Variants in FXR1 observed in about 807,000 individuals in gnomAD.
FXR1 encodes FMR1 autosomal homolog 1.
A neutral mutation model predicts 84.0 loss-of-function variants in FXR1; 15 were observed. The observed-to-expected ratio is 0.18, with a 90% CI of 0.12 to 0.27. The LOEUF (loss-of-function observed/expected upper bound fraction) is 0.27, where lower values mean the gene tolerates loss of function less well. Among genes scored for constraint, FXR1 ranks in the 10% least tolerant of loss-of-function variants. The pLI is 1.00. For synonymous variants in FXR1, 245 were observed against 250.7 expected (o/e 0.98, Z 0.21); for missense variants, 480 against 774.4 (o/e 0.62, Z 4.51).
Position 180,948,372 on chromosome 3 carries a change from G to C in FXR1, c.296G>C (p.Cys99Ser). The change falls in exon 5 of 17, where the codon TGT becomes TCT. Residue 99 changes from cysteine (C) to serine (S), a missense_variant. Physicochemically the swap from Cys to Ser is moderately radical, Grantham distance 112. Transcript: ENST00000357559. ...TTTTATGTCATTGAATATGCTGCTT[G>C]TGACGCTACTTACAATGAAATAGTC... ...GEFYVIEYAA[C>S]DATYNEIVTF... is the part of the protein sequence containing the mutation. 6.2e-7 allele frequency: 1 copy of C among 1,605,610 alleles called. No individual in the cohort carries two copies. The highest frequency in any genetic ancestry group is 8.5e-7 in the Non-Finnish European group (1 of 1,172,950).
At chr3:180,954,095 T>A (rs1560006893) in intron 9 of FXR1, 1 of 317,214 alleles carries the variant, frequency 3.2e-6, no homozygotes, top group Non-Finnish European at 5.7e-6. Context: ...TATAAGTTTG[T>A]CATTACAGTT....
chr3:180,944,909 C>G (rs933428416), intron 3 of FXR1, among the ~76,000 whole-genome samples: 8 of 152,330 alleles, frequency 5.3e-5, no homozygotes, highest in African/African-American at 1.7e-4. Context: ...GGGCGTGAGC[C>G]CCACCACGCA....
At chr3:180,961,211 G>A (rs951848411) in intron 10 of FXR1, among the ~76,000 whole-genome samples, 2 of 151,756 alleles carry the variant, frequency 1.3e-5, no homozygotes, top group Non-Finnish European at 2.9e-5. Context: ...GTGGTGACAC[G>A]CATCTATAGT....
chr3:180,913,052 G>T (rs1717419058), intron 1 of FXR1, among the ~76,000 whole-genome samples: 1 of 152,164 alleles, frequency 6.6e-6, no homozygotes, highest in Admixed American at 6.5e-5. Flanking sequence ...GAGCTCCTTC[G>T]GAGCAGGCCC....
chr3:180,912,822 T>C (rs1576868881), intron 1 of FXR1, 86 bp downstream of exon 1: 4 of 1,605,596 alleles, frequency 2.5e-6, no homozygotes, highest in Non-Finnish European at 3.4e-6. Flanking sequence ...GAGTGAGGTT[T>C]GGGGTCGGAA....
At chr3:180,955,855 G>A (rs1238584955) in intron 9 of FXR1, among the ~76,000 whole-genome samples, 1 of 152,192 alleles carries the variant, frequency 6.6e-6, no homozygotes. Context: ...ACTGAAGTGA[G>A]TACCTGTTGT....
At chr3:180,922,532 A>G (rs547699223) in intron 1 of FXR1, among the ~76,000 whole-genome samples, 3 of 152,146 alleles carry the variant, frequency 2.0e-5, no homozygotes, top group South Asian at 4.1e-4. Flanking sequence ...GTCAGTTTTG[A>G]AAATCTTTCT....
At chr3:180,925,287 G>A (rs1477959832) in intron 1 of FXR1, among the ~76,000 whole-genome samples, 3 of 151,864 alleles carry the variant, frequency 2.0e-5, no homozygotes, top group Non-Finnish European at 4.4e-5. Context: ...CTTGAACTGG[G>A]AGGTGGAGGT....
rs547186251 is a variant in FXR1 at position 180,967,640 on chromosome 3, C to T, written c.1199-411C>T. ...TTTTCTGTAATTTTTCTGTTGACTG[C>T]ATTTCTGCACATCAGTTTTTTTTTT... On this transcript the variant is annotated intron_variant, in intron 13 of 16. Coordinates refer to ENST00000357559, the MANE Select transcript of FXR1 (RefSeq NM_005087.4). Among the ~76,000 whole-genome samples the T allele has an allele frequency of 1.1e-4, 17 of 151,490 alleles. No individual in the cohort carries two copies. In the East Asian group the frequency reaches 3.3e-3, roughly 29 times the overall value.
chr3:180,981,771 G>T lies in FXR1; in HGVS notation c.*5479G>T, dbSNP rs1714621441. On this transcript the variant is annotated 3_prime_UTR_variant, in exon 17 of 17. Transcript: ENST00000357559. ...GTTTCCCAAGCCATAAAATGTGGAA[G>T]AATCTTCACAATTTCAAGTTGGTCA... is the stretch of plus-strand genomic sequence containing the variant. 6.6e-6 allele frequency: 1 copy of T among 152,052 alleles called. No homozygotes were observed. Among genetic ancestry groups the T allele is most frequent in the Admixed American group, 6.6e-5 (1 of 15,266 alleles). 9.4% of individuals were successfully genotyped at this position (152,052 alleles called of 1,614,324 possible). A position where few individuals can be genotyped will look rare whatever the true frequency, so the allele number is the denominator to read the frequency against.
chr3:180,917,947 C>CAAAAAAAA (rs757826092), intron 1 of FXR1, among the ~76,000 whole-genome samples: 1 of 61,000 alleles, frequency 1.6e-5, no homozygotes, highest in Non-Finnish European at 3.4e-5. Context: ...ACTCTGTCTC[C>CAAAAAAAA]AAAAAAAAAA....
Position 180,976,185 on chromosome 3 carries a change from T to C in FXR1, c.1759T>C (p.Ser587Pro), listed in dbSNP as rs201637634. 95 of 1,613,036 alleles carry C rather than the reference T, an allele frequency of 5.9e-5. No individual in the cohort carries two copies. Among genetic ancestry groups the C allele is most frequent in the Non-Finnish European group, 7.6e-5 (90 of 1,179,190 alleles). Residue 587 changes from serine (S) to proline (P), a missense_variant, in exon 17 of 17, where the codon TCT (serine) becomes CCT (proline). By Grantham distance (74) the Ser-to-Pro change is moderately conservative. This residue lies in a region of FXR1 where 94 missense variants were observed against 81.8 expected (regional missense o/e 1.15). Coordinates refer to ENST00000357559, the MANE Select transcript of FXR1 (RefSeq NM_005087.4). ...EKAINGPTSA[S>P]GDDISKLQRT... ...GGCAATAAACGGCCCAACTAGTGCTTCTGGCGATGACATTTCTAAGCTACA... is the reference window on the plus strand; with the variant it reads ...GGCAATAAACGGCCCAACTAGTGCTCCTGGCGATGACATTTCTAAGCTACA...
chr3:180,951,194 G>GCCTT (rs1430537480), intron 7 of FXR1, 104 bp from the exon 8 acceptor site: 1 of 669,926 alleles, frequency 1.5e-6, no homozygotes, highest in Admixed American at 2.5e-5. Context: ...CTGCACCCTA[G>GCCTT]CCTTGGTGAC....
At chr3:180,920,459 A>G (rs1273822605) in intron 1 of FXR1, among the ~76,000 whole-genome samples, 2 of 151,924 alleles carry the variant, frequency 1.3e-5, no homozygotes, top group South Asian at 2.1e-4. Flanking sequence ...TTATGCATGC[A>G]TAGAGGGAAC....
At chr3:180,968,006 C>T (rs914641996) in intron 13 of FXR1, 45 bp from the exon 14 acceptor site, 9 of 1,252,168 alleles carry the variant, frequency 7.2e-6, no homozygotes, top group African/African-American at 1.5e-5. Flanking sequence ...TTTTAAAAGG[C>T]TTTTTATAGA....
intron 7 of FXR1, among the ~76,000 whole-genome samples, chr3:180,950,398 TGA>T (rs1290983173): frequency 2.0e-5 from 3 of 152,216 alleles, no homozygotes; most frequent in African/African-American, 7.2e-5. Context: ...TGACATTAGA[TGA>T]GTTTCCTTTG....
chr3:180,935,331 C>G (rs1720399668), intron 3 of FXR1, 100 bp downstream of exon 3: 1 of 631,544 alleles, frequency 1.6e-6, no homozygotes, highest in Middle Eastern at 2.6e-4. Context: ...AAATCTAATT[C>G]ATTTTCTCTA....
At chr3:180,917,322 G>T (rs1020300003) in intron 1 of FXR1, among the ~76,000 whole-genome samples, 1 of 152,136 alleles carries the variant, frequency 6.6e-6, no homozygotes, top group Non-Finnish European at 1.5e-5. Flanking sequence ...AAAAAGTTGC[G>T]TTCAGAGGGT....
At chr3:180,947,544 C>T (rs1480537658) in intron 3 of FXR1, among the ~76,000 whole-genome samples, 1 of 152,130 alleles carries the variant, frequency 6.6e-6, no homozygotes, top group Admixed American at 6.5e-5. Context: ...ACAATGTTGA[C>T]AGAAACAGGA....
Sources: gnomAD v4.1 joint callset for allele counts (sites outside exome capture counted in the v4.1 genomes callset) on GRCh38, gnomAD v4.1.1 for gene constraint, gnomAD v4.1.1 regional missense constraint, MANE v1.5 for transcripts, NCBI Gene and HGNC (gene_info 2026-07-23, HGNC 2026-07-21) for gene names.